Variants in MBNL1 observed in about 807,000 individuals in gnomAD.
MBNL1 encodes muscleblind-like protein 1.
Under a neutral mutation model 42.2 loss-of-function variants are expected in MBNL1, and 8 were observed. The ratio of observed to expected loss-of-function variants is 0.19; its 90% confidence interval spans 0.11 to 0.34. The LOEUF is 0.34. Ranked by LOEUF, MBNL1 falls within the 10% of genes least tolerant of loss-of-function variation. The pLI is 1.00. For missense variants in MBNL1, 309 were observed against 495.3 expected (o/e 0.62, Z 3.57); for synonymous variants, 169 against 173.9 (o/e 0.97, Z 0.22).
intron 1 of MBNL1, among the ~76,000 whole-genome samples, chr3:152,286,454 A>T (rs1036022639): frequency 5.2e-4 from 41 of 79,292 alleles, no homozygotes; most frequent in African/African-American, 2.0e-3. Flanking sequence ...TTTATTTATA[A>T]TATAAATATA....
intron 2 of MBNL1, among the ~76,000 whole-genome samples, chr3:152,320,844 G>A (rs1490178753): frequency 6.6e-6 from 1 of 151,450 alleles, no homozygotes; most frequent in Non-Finnish European, 1.5e-5. Context: ...AAGGACATAC[G>A]GTATTTGTCA....
chr3:152,252,818 T>C (rs2034850455), intron 2 of MBNL1, among the ~76,000 whole-genome samples: 1 of 152,132 alleles, frequency 6.6e-6, no homozygotes. Context: ...ACATAGTCTA[T>C]AAGAGCTAAA....
intron 2 of MBNL1, among the ~76,000 whole-genome samples, chr3:152,315,312 A>G (rs1457324512): frequency 6.6e-6 from 1 of 152,170 alleles, no homozygotes; most frequent in Non-Finnish European, 1.5e-5. Context: ...TATTTCCTTT[A>G]AAAATCAAGG....
intron 2 of MBNL1, among the ~76,000 whole-genome samples, chr3:152,346,374 C>T (rs1045424537): frequency 1.3e-5 from 2 of 152,018 alleles, no homozygotes; most frequent in African/African-American, 4.8e-5. Context: ...ATTTATATTC[C>T]TTAAATATTC....
intron 3 of MBNL1, among the ~76,000 whole-genome samples, chr3:152,421,941 G>A (rs2098811896): frequency 6.6e-6 from 1 of 151,524 alleles, no homozygotes; most frequent in Non-Finnish European, 1.5e-5. Context: ...ACTGAATATG[G>A]AAAGGAAAAA....
chr3:152,280,280 A>T (rs1041533093), intron 1 of MBNL1, among the ~76,000 whole-genome samples: 2 of 152,306 alleles, frequency 1.3e-5, no homozygotes, highest in Admixed American at 6.5e-5. Context: ...TTGTGGGCAG[A>T]GTGTGGAATT....
chr3:152,340,444 T>G, intron 2 of MBNL1: 7 of 1,487,142 alleles, frequency 4.7e-6, no homozygotes, highest in Non-Finnish European at 6.3e-6. Context: ...GTTCCATTTT[T>G]TTTTTAAGTA....
At chr3:152,279,352 A>G (rs1295038156) in intron 1 of MBNL1, among the ~76,000 whole-genome samples, 1 of 152,094 alleles carries the variant, frequency 6.6e-6, no homozygotes, top group African/African-American at 2.4e-5. Context: ...GTCTTTTCAT[A>G]CTTCAAAACC....
intron 8 of MBNL1, 50 bp downstream of exon 8, chr3:152,456,411 C>T: frequency 7.0e-7 from 1 of 1,430,114 alleles, no homozygotes; most frequent in Non-Finnish European, 9.9e-7. Flanking sequence ...TAATAGGGCT[C>T]AATCCAACAG....
At chr3:152,446,663 C>CT (rs2099231309) in intron 5 of MBNL1, 6 of 1,565,536 alleles carry the variant, frequency 3.8e-6, no homozygotes, top group Admixed American at 3.4e-5. Context: ...TTGAACCCCA[C>CT]TGGCCCATTG....
chr3:152,320,077 A>C (rs1441954592), intron 2 of MBNL1, among the ~76,000 whole-genome samples: 21 of 152,198 alleles, frequency 1.4e-4, no homozygotes, highest in Admixed American at 1.4e-3. Flanking sequence ...AGAAGCTTGC[A>C]TTAATCACTT....
At chr3:152,446,874 A>G (rs2099234627) in intron 5 of MBNL1, 6 of 846,892 alleles carry the variant, frequency 7.1e-6, no homozygotes, top group Non-Finnish European at 1.0e-5. Context: ...TGTAAAGTAC[A>G]ATGAAAAAAC....
intron 2 of MBNL1, among the ~76,000 whole-genome samples, chr3:152,307,806 T>C (rs1488676443): frequency 1.3e-5 from 2 of 152,164 alleles, no homozygotes; most frequent in Non-Finnish European, 2.9e-5. Context: ...TACTTAAGAA[T>C]AAAAATGAAT....
intron 2 of MBNL1, among the ~76,000 whole-genome samples, chr3:152,404,816 G>T (rs908135368): frequency 1.3e-5 from 2 of 150,320 alleles, no homozygotes; most frequent in African/African-American, 4.9e-5. Flanking sequence ...CATTATTTGT[G>T]TTATATCCAA....
At chr3:152,325,059 T>A (rs1162781352) in intron 2 of MBNL1, among the ~76,000 whole-genome samples, 1 of 118,858 alleles carries the variant, frequency 8.4e-6, no homozygotes, top group African/African-American at 3.2e-5. Flanking sequence ...TGACTTCTTT[T>A]GATGTTCCCA....
chr3:152,290,155 A>G (rs899640280), intron 1 of MBNL1, among the ~76,000 whole-genome samples: 10 of 152,058 alleles, frequency 6.6e-5, no homozygotes, highest in African/African-American at 1.7e-4. Flanking sequence ...TGGAAATTCA[A>G]ATTCTATTTG....
At chr3:152,351,503 C>T (rs552041731) in intron 2 of MBNL1, among the ~76,000 whole-genome samples, 80 of 152,188 alleles carry the variant, frequency 5.3e-4, no homozygotes, top group African/African-American at 1.6e-3. Context: ...TATTAGTTTT[C>T]GAGTTTTATT....
chr3:152,291,758 T>G (rs1338070388), intron 1 of MBNL1, among the ~76,000 whole-genome samples: 1 of 152,122 alleles, frequency 6.6e-6, no homozygotes, highest in Non-Finnish European at 1.5e-5. Flanking sequence ...CAGTACTATG[T>G]AGTATTAGAT....
In MBNL1 at chr3:152,284,609, A is replaced by C. The variant is rs963114692; in HGVS notation, c.-789-14796A>C. Among the ~76,000 whole-genome samples the C allele has an allele frequency of 2.0e-5, 3 of 152,216 alleles. No individual in the cohort carries two copies. The East Asian group carries it at 5.8e-4, about 29-fold the overall frequency. ...TACTTTTGCACCACCCTGATAAAAA[A>C]TTGGCCTGACTATATTGCTTTGAAA... On this transcript the variant is annotated intron_variant, in intron 1 of 9. Transcript: ENST00000324210.
Sources: gnomAD v4.1 joint callset for allele counts (sites outside exome capture counted in the v4.1 genomes callset) on GRCh38, gnomAD v4.1.1 for gene constraint, MANE v1.5 for transcripts, NCBI Gene and HGNC (gene_info 2026-07-23, HGNC 2026-07-21) for gene names.